Variants in ZNF215 observed in about 807,000 individuals in gnomAD.
ZNF215 encodes the protein zinc finger protein 215.
Under a neutral mutation model 27.2 loss-of-function variants are expected in ZNF215, and 24 were observed. The ratio of observed to expected loss-of-function variants is 0.88; its 90% CI spans 0.64 to 1.24. The LOEUF is 1.24. Among genes scored for constraint, ZNF215 ranks in the 50% most tolerant of loss-of-function variants. ZNF215 has a pLI of 0.00. For missense variants in ZNF215, 675 were observed against 605.7 expected, an observed-to-expected ratio of 1.11 and a Z score of -1.20; for synonymous variants, 210 against 204.0, an observed-to-expected ratio of 1.03 and a Z score of -0.25.
At chr11:6,928,629 C>T (rs537676789) in intron 2 of ZNF215, among the ~76,000 whole-genome samples, 62 of 152,066 alleles carry the variant, frequency 4.1e-4, no homozygotes, top group Admixed American at 1.1e-3. Context: ...AATTTTTACC[C>T]GGTACATTTA....
chr11:6,931,953 T>C (rs1849278047), intron 2 of ZNF215, 141 bp from the exon 3 acceptor site: 2 of 209,408 alleles, frequency 9.6e-6, no homozygotes, highest in Admixed American at 1.1e-4. Context: ...GGAAAGCATA[T>C]TTTCTAGTTC....
At chr11:6,941,236 G>A (rs1480180116) in intron 3 of ZNF215, among the ~76,000 whole-genome samples, 3 of 152,186 alleles carry the variant, frequency 2.0e-5, no homozygotes, top group African/African-American at 7.2e-5. Flanking sequence ...GCCTGTGATG[G>A]CTACGCTGTA....
chr11:6,934,394 A>G (rs1849366196), intron 3 of ZNF215, among the ~76,000 whole-genome samples: 2 of 152,204 alleles, frequency 1.3e-5, no homozygotes. Context: ...TTAGTTTTCT[A>G]TTGCTACTAT....
chr11:6,991,160 CAA>C (rs758187676), downstream of ZNF215, among the ~76,000 whole-genome samples: 36 of 152,224 alleles, frequency 2.4e-4, no homozygotes, highest in Non-Finnish European at 4.6e-4. Context: ...TGGGAAAGGG[CAA>C]AGAGTCTCAG....
intron 5 of ZNF215, among the ~76,000 whole-genome samples, chr11:6,964,693 T>TA (rs993527784): frequency 2.0e-5 from 3 of 151,792 alleles, no homozygotes; most frequent in African/African-American, 7.2e-5. Flanking sequence ...TCTTTTTTTT[T>TA]TTTTATTTTT....
Position 6,957,483 on chromosome 11 carries a change from A to G in ZNF215, c.*952A>G, listed in dbSNP as rs578105455. 3 of 156,848 alleles carry G rather than the reference A, an allele frequency of 1.9e-5. No individual in the cohort carries two copies. Among genetic ancestry groups the G allele is most frequent in the East Asian group, 3.8e-4 (2 of 5,210 alleles). The allele number at this position is 156,848 out of a possible 1,614,324, so 9.7% of individuals were successfully genotyped here. A position where few individuals can be genotyped will look rare whatever the true frequency, so the allele number is the denominator to read the frequency against. Reference sequence around the variant, plus strand: ...TGTCCACCCATGGCCCTGTACTGGAATAACAGGGTAAATAATTATCTTATC... The same window carrying G: ...TGTCCACCCATGGCCCTGTACTGGAGTAACAGGGTAAATAATTATCTTATC... On this transcript the variant is annotated 3_prime_UTR_variant, in exon 7 of 7. Coordinates refer to ENST00000278319, the MANE Select transcript of ZNF215 (RefSeq NM_013250.4).
At position 6,957,840 on chromosome 11, in the gene ZNF215, A is replaced by C. The variant is rs1850426170; in HGVS notation, c.*1309A>C. ...GTTATTAAAGTCTCCTATACTCTGT[A>C]CACCAGAACTGTGTCTTCTGTAAAC... On this transcript the variant is annotated 3_prime_UTR_variant, in exon 7 of 7. Transcript: ENST00000278319. 9.1e-6 allele frequency: 9 copies of C among 985,302 alleles called. No individual in the cohort carries two copies. In the South Asian group the frequency reaches 3.8e-4, roughly 41 times the overall value. The allele number at this position is 985,302 out of a possible 1,614,324, so 61.0% of individuals were successfully genotyped here. A position where few individuals can be genotyped will look rare whatever the true frequency, so the allele number is the denominator to read the frequency against.
intron 3 of ZNF215, among the ~76,000 whole-genome samples, chr11:6,933,647 C>T (rs150428444): frequency 0.011 from 1,632 of 151,878 alleles, 25 homozygotes; most frequent in African/African-American, 0.034. Context: ...AAAAATTAGC[C>T]GGGCATGGTG....
downstream of ZNF215, chr11:6,988,388 C>A: frequency 2.8e-6 from 1 of 362,240 alleles, no homozygotes; most frequent in South Asian, 1.1e-4. Flanking sequence ...TGTGATCAGC[C>A]TCCTTTACTA....
At chr11:6,942,262 A>G (rs961651851) in intron 4 of ZNF215, among the ~76,000 whole-genome samples, 1 of 152,168 alleles carries the variant, frequency 6.6e-6, no homozygotes, top group Non-Finnish European at 1.5e-5. Flanking sequence ...AGATGTTTAT[A>G]TATTTCAGTG....
At chr11:6,984,110 A>T (rs1262150041) in intron 5 of ZNF215, 1 of 401,868 alleles carries the variant, frequency 2.5e-6, no homozygotes, top group Admixed American at 3.0e-5. Flanking sequence ...AATGTCCCTT[A>T]AATTTTTTTT....
intron 6 of ZNF215, among the ~76,000 whole-genome samples, chr11:6,946,860 A>C (rs1849832742): frequency 6.6e-6 from 1 of 152,214 alleles, no homozygotes; most frequent in Admixed American, 6.5e-5. Flanking sequence ...AAGAGAAAAA[A>C]AGACGGATGG....
chr11:6,960,685 G>T (rs527289423), downstream of ZNF215, among the ~76,000 whole-genome samples: 31 of 152,142 alleles, frequency 2.0e-4, 1 homozygote, highest in African/African-American at 7.0e-4. Flanking sequence ...GCCCTGGATC[G>T]ATACCCTGAT....
chr11:6,978,870 C>T (rs1027518805), intron 5 of ZNF215, among the ~76,000 whole-genome samples: 6 of 151,946 alleles, frequency 3.9e-5, no homozygotes, highest in African/African-American at 1.5e-4. Flanking sequence ...AATTTTAAAA[C>T]ATTAATTGGA....
At position 6,941,528 on chromosome 11, in the gene ZNF215, G is replaced by A. The variant is rs1325708027; in HGVS notation, c.401-43G>A. The A allele has an allele frequency of 7.6e-6, 12 of 1,579,302 alleles. No homozygotes were observed. The South Asian group carries it at 1.2e-4, about 16-fold the overall frequency. ...ACTATAATTATTAGAAGTTGCTCCA[G>A]GGCAAAACTTGTCTCCCTAATATTT... On this transcript the variant is annotated intron_variant, in intron 3 of 6. Coordinates refer to ENST00000278319, the MANE Select transcript of ZNF215 (RefSeq NM_013250.4).
At chr11:6,934,106 T>G (rs1159205419) in intron 3 of ZNF215, among the ~76,000 whole-genome samples, 1 of 152,172 alleles carries the variant, frequency 6.6e-6, no homozygotes, top group East Asian at 1.9e-4. Context: ...ATATTTAGTC[T>G]TCGTCTAAAA....
Position 6,955,920 on chromosome 11 carries a change from G to C in ZNF215, c.943G>C (p.Val315Leu), listed in dbSNP as rs374540447. ...TAAGAAAAGCTTTGATATTAATTCA[G>C]TTAGCTCAATTTGTGCTATACAAGT... The part of the protein sequence containing the change: ...ENKKSFDINS[V>L]SSICAIQVGI... Residue 315 changes from valine (V) to leucine (L), a missense_variant, in exon 7 of 7, where the codon GTT becomes CTT. Val to Leu is a conservative substitution (Grantham distance 32). Coordinates refer to ENST00000278319, the MANE Select transcript of ZNF215 (RefSeq NM_013250.4). The C allele has an allele frequency of 5.6e-6, 9 of 1,612,162 alleles. No homozygotes were observed. The African/African-American group carries it at 6.7e-5, about 12-fold the overall frequency.
chr11:6,975,966 A>G (rs758621256), intron 5 of ZNF215, among the ~76,000 whole-genome samples: 1 of 152,136 alleles, frequency 6.6e-6, no homozygotes, highest in Non-Finnish European at 1.5e-5. Flanking sequence ...ATTCCCATCA[A>G]CAGTATACAA....
chr11:6,949,776 CT>C (rs897733829), intron 6 of ZNF215, among the ~76,000 whole-genome samples: 2 of 152,122 alleles, frequency 1.3e-5, no homozygotes, highest in African/African-American at 4.8e-5. Context: ...GTTTCCATTG[CT>C]TTTGGTGTTT....
Sources: gnomAD v4.1 joint callset for allele counts (sites outside exome capture counted in the v4.1 genomes callset) on GRCh38, gnomAD v4.1.1 for gene constraint, MANE v1.5 for transcripts, NCBI Gene and HGNC (gene_info 2026-07-23, HGNC 2026-07-21) for gene names.